The following UNC13C variants were observed in gnomAD, a reference collection of about 807,000 sequenced individuals.
UNC13C encodes the protein protein unc-13 homolog C.
Under a neutral mutation model 245.4 loss-of-function variants are expected in UNC13C, and 174 were observed. The observed-to-expected ratio is 0.71, with a 90% CI of 0.63 to 0.80. The LOEUF (loss-of-function observed/expected upper bound fraction) is 0.80, where lower values mean the gene tolerates loss of function less well. Among genes scored for constraint, UNC13C ranks in the 30% least tolerant of loss-of-function variants. The pLI is 0.00. For synonymous variants in UNC13C, 992 were observed against 895.1 expected (o/e 1.11, Z -1.93); for missense variants, 2,829 against 2,602.9 (o/e 1.09, Z -1.89).
chr15:54,006,255 A>G (rs1306298415), intron 1 of UNC13C, among the ~76,000 whole-genome samples: 1 of 152,226 alleles, frequency 6.6e-6, no homozygotes, highest in East Asian at 1.9e-4. Context: ...GGGAATGAAT[A>G]AAGTATGTAT....
intron 30 of UNC13C, among the ~76,000 whole-genome samples, chr15:54,590,292 G>A (rs1419770567): frequency 1.3e-5 from 2 of 152,104 alleles, no homozygotes; most frequent in Non-Finnish European, 2.9e-5. Context: ...AGTTCCATAT[G>A]AATTTTAGAA....
At chr15:54,232,343 T>C (rs1400407135) in intron 4 of UNC13C, among the ~76,000 whole-genome samples, 4 of 152,156 alleles carry the variant, frequency 2.6e-5, no homozygotes, top group Admixed American at 2.6e-4. Context: ...GATACATGTC[T>C]GCTCACTTGG....
intron 19 of UNC13C, among the ~76,000 whole-genome samples, chr15:54,455,648 T>C (rs181816182): frequency 6.6e-6 from 1 of 152,084 alleles, no homozygotes; most frequent in East Asian, 1.9e-4. Flanking sequence ...TTGGCCATTT[T>C]ATATCTTATT....
chr15:54,444,305 CAT>C lies in UNC13C; in HGVS notation c.4933+29246_4933+29247del, dbSNP rs200088721. On this transcript the variant is annotated intron_variant, in intron 19 of 32. Transcript: ENST00000260323. ...TGTATATATATACACAAATATATGT[CAT>C]ATATATACATATATATAATATGTCA... is the stretch of plus-strand genomic sequence containing the variant. Among the ~76,000 whole-genome samples the C allele has an allele frequency of 5.0e-3, 750 of 150,348 alleles. 5 individuals carry two copies. The highest frequency in any genetic ancestry group is 0.017 in the African/African-American group (702 of 41,060).
At chr15:54,220,259 T>C (rs959276972) in intron 4 of UNC13C, among the ~76,000 whole-genome samples, 4 of 150,444 alleles carry the variant, frequency 2.7e-5, no homozygotes, top group African/African-American at 7.4e-5. Flanking sequence ...TGGAATACTA[T>C]GCAGCCATAA....
At chr15:54,186,857 T>TATA (rs1567079932) in intron 4 of UNC13C, among the ~76,000 whole-genome samples, 5 of 77,940 alleles carry the variant, frequency 6.4e-5, no homozygotes, top group African/African-American at 2.6e-4. Context: ...ATATATATAT[T>TATA]TTGTTTTTTG....
intron 26 of UNC13C, among the ~76,000 whole-genome samples, chr15:54,543,473 A>G (rs1319927945): frequency 2.0e-5 from 3 of 152,156 alleles, no homozygotes; most frequent in Non-Finnish European, 4.4e-5. Context: ...TAGAGAAATG[A>G]AAAACCCTTC....
intron 13 of UNC13C, among the ~76,000 whole-genome samples, chr15:54,313,774 GAAGA>G (rs2037935592): frequency 6.6e-6 from 1 of 151,450 alleles, no homozygotes. Flanking sequence ...ACACAATATT[GAAGA>G]AAGAGGGCCA....
intron 18 of UNC13C, among the ~76,000 whole-genome samples, chr15:54,404,653 T>TA (rs1448727654): frequency 1.4e-4 from 22 of 152,126 alleles, no homozygotes; most frequent in African/African-American, 5.3e-4. Context: ...TTTAAATATA[T>TA]ATGGTACATA....
At chr15:53,871,523 T>C in the UNC13C span, among the ~76,000 whole-genome samples, 5 of 152,202 alleles carry the variant, frequency 3.3e-5, no homozygotes, top group African/African-American at 1.2e-4. Context: ...TGCAAGGCTG[T>C]GAGCAACTTG....
chr15:54,444,497 TA>T (rs1890698831), intron 19 of UNC13C, among the ~76,000 whole-genome samples: 1 of 151,926 alleles, frequency 6.6e-6, no homozygotes, highest in African/African-American at 2.4e-5. Flanking sequence ...CTATATCTTT[TA>T]CGTAGGAAAA....
At chr15:54,068,902 T>C (rs1898192853) in intron 2 of UNC13C, among the ~76,000 whole-genome samples, 1 of 152,190 alleles carries the variant, frequency 6.6e-6, no homozygotes, top group Non-Finnish European at 1.5e-5. Context: ...TATATCTATT[T>C]TAGGCATTCT....
intron 24 of UNC13C, among the ~76,000 whole-genome samples, chr15:54,513,183 G>C (rs1894826405): frequency 6.6e-6 from 1 of 152,050 alleles, no homozygotes; most frequent in African/African-American, 2.4e-5. Context: ...CAATTTTACT[G>C]ATGTTTTATA....
chr15:54,551,307 T>C (rs1177913526), intron 28 of UNC13C, among the ~76,000 whole-genome samples: 1 of 152,102 alleles, frequency 6.6e-6, no homozygotes, highest in Non-Finnish European at 1.5e-5. Flanking sequence ...CCCATCTCAG[T>C]GCAAGGAATC....
At chr15:54,251,047 C>T (rs936499248) in intron 8 of UNC13C, among the ~76,000 whole-genome samples, 2 of 151,856 alleles carry the variant, frequency 1.3e-5, no homozygotes, top group East Asian at 1.9e-4. Flanking sequence ...CGTGAGCCAC[C>T]GCGCCCGGCC....
downstream of UNC13C, chr15:54,629,690 CTT>C (rs1901407336): frequency 6.6e-6 from 1 of 152,236 alleles, no homozygotes; most frequent in East Asian, 1.9e-4. Flanking sequence ...AGAACATTGA[CTT>C]AAGCTCTTTA....
At chr15:54,465,269 C>G (rs368133088) in intron 19 of UNC13C, among the ~76,000 whole-genome samples, 1 of 152,010 alleles carries the variant, frequency 6.6e-6, no homozygotes, top group Non-Finnish European at 1.5e-5. Flanking sequence ...AATCGATCAT[C>G]AAGAATACAC....
chr15:54,072,871 TTTC>T lies in UNC13C; in HGVS notation c.2983+56997_2983+56999del, dbSNP rs531473041. Among the ~76,000 whole-genome samples, 34 of 127,492 alleles carry T rather than the reference TTTC, an allele frequency of 2.7e-4. No individual in the cohort carries two copies. In the East Asian group the frequency reaches 5.9e-3, roughly 22 times the overall value. The allele number at this position is 127,492 out of a possible 152,430, so 83.6% of individuals were successfully genotyped here. A position where few individuals can be genotyped will look rare whatever the true frequency, so the allele number is the denominator to read the frequency against. ...CAAACTGCCTTTCATCCACAGCCTC[TTTC>T]TTCTTCTTCTTTTTTTTTAAATTAT... On this transcript the variant is annotated intron_variant, in intron 2 of 32. Coordinates refer to ENST00000260323, the MANE Select transcript of UNC13C (RefSeq NM_001080534.3).
the UNC13C span, among the ~76,000 whole-genome samples, chr15:53,965,601 A>AG: frequency 6.6e-6 from 1 of 150,662 alleles, no homozygotes; most frequent in Non-Finnish European, 1.5e-5. Flanking sequence ...GTTTTAGGGT[A>AG]CATGTGCACA....
Sources: gnomAD v4.1 joint callset for allele counts (sites outside exome capture counted in the v4.1 genomes callset) on GRCh38, gnomAD v4.1.1 for gene constraint, MANE v1.5 for transcripts, NCBI Gene and HGNC (gene_info 2026-07-23, HGNC 2026-07-21) for gene names.